GPC6: variants seen among roughly 807,000 people sequenced by gnomAD.
GPC6 encodes the protein glypican 6.
GPC6 carries 14 observed loss-of-function variants against 55.2 expected under a neutral mutation model. The ratio of observed to expected loss-of-function variants is 0.25; its 90% confidence interval spans 0.17 to 0.40. The LOEUF is 0.40. Ranked by LOEUF, GPC6 falls within the 10% of genes least tolerant of loss-of-function variation. The pLI is 1.00. For synonymous variants in GPC6, 278 were observed against 259.6 expected (o/e 1.07, Z -0.68); for missense variants, 641 against 708.5 (o/e 0.90, Z 1.08).
intron 3 of GPC6, among the ~76,000 whole-genome samples, chr13:93,852,393 A>G (rs1888437372): frequency 6.6e-6 from 1 of 151,790 alleles, no homozygotes; most frequent in South Asian, 2.1e-4. Flanking sequence ...TCTCCAAAGT[A>G]TCTTTAAGGC....
Position 93,374,975 on chromosome 13 carries a change from G to A in GPC6, c.160+147359G>A, listed in dbSNP as rs182641222. On this transcript the variant is annotated intron_variant, in intron 1 of 8. Coordinates refer to ENST00000377047, the MANE Select transcript of GPC6 (RefSeq NM_005708.5). ...TATCTCTAATCATCCTGTTTTTGAG[G>A]AGTACCATGGAGTCCAATTAGCAAC... 2.2e-3 allele frequency among the ~76,000 whole-genome samples: 329 copies of A among 152,132 alleles called. 1 individual carries two copies. The highest frequency in any genetic ancestry group is 3.4e-3 in the Non-Finnish European group (231 of 68,006).
chr13:93,538,402 C>T (rs1392959012), intron 1 of GPC6, among the ~76,000 whole-genome samples: 1 of 151,886 alleles, frequency 6.6e-6, no homozygotes, highest in African/African-American at 2.4e-5. Flanking sequence ...ATATGTATTC[C>T]TGGGAGTAAG....
intron 1 of GPC6, among the ~76,000 whole-genome samples, chr13:93,239,529 G>A (rs1038500922): frequency 2.0e-4 from 30 of 151,420 alleles, no homozygotes; most frequent in African/African-American, 7.3e-4. Context: ...CTTCTCTATT[G>A]TTTTCCTGGT....
chr13:93,516,343 C>T (rs751140683), intron 1 of GPC6, among the ~76,000 whole-genome samples: 13 of 152,162 alleles, frequency 8.5e-5, no homozygotes, highest in Non-Finnish European at 1.5e-4. Flanking sequence ...TTAATGAAGT[C>T]GCCAAGCCCA....
chr13:94,123,691 A>G (rs1886713153), intron 4 of GPC6, among the ~76,000 whole-genome samples: 1 of 152,020 alleles, frequency 6.6e-6, no homozygotes, highest in Admixed American at 6.6e-5. Flanking sequence ...GCATGCACGC[A>G]TATGTTTGTA....
At chr13:93,968,849 G>A (rs1415701221) in intron 3 of GPC6, among the ~76,000 whole-genome samples, 3 of 152,072 alleles carry the variant, frequency 2.0e-5, no homozygotes, top group Non-Finnish European at 4.4e-5. Context: ...AATGTATGCT[G>A]TACTGTCAAG....
chr13:94,118,316 G>C (rs919241472), intron 4 of GPC6, among the ~76,000 whole-genome samples: 23 of 151,982 alleles, frequency 1.5e-4, no homozygotes, highest in Non-Finnish European at 1.2e-4. Context: ...TCTCTCTCCT[G>C]CTGCCATATG....
At chr13:94,092,718 A>G (rs1885534832) in intron 4 of GPC6, among the ~76,000 whole-genome samples, 1 of 152,154 alleles carries the variant, frequency 6.6e-6, no homozygotes, top group Non-Finnish European at 1.5e-5. Context: ...TGTTTTCTAC[A>G]GTGGCTATAC....
At chr13:94,185,089 T>C (rs531584910) in intron 4 of GPC6, among the ~76,000 whole-genome samples, 2 of 151,916 alleles carry the variant, frequency 1.3e-5, no homozygotes, top group Non-Finnish European at 2.9e-5. Context: ...GAGGTAAACA[T>C]TGAGCACCCA....
At chr13:93,390,778 T>C (rs1238068646) in intron 1 of GPC6, among the ~76,000 whole-genome samples, 1 of 152,044 alleles carries the variant, frequency 6.6e-6, no homozygotes, top group Admixed American at 6.6e-5. Flanking sequence ...AGTTTTTTTT[T>C]CTTTTTGTTT....
At chr13:93,941,183 T>G (rs1878718786) in intron 3 of GPC6, among the ~76,000 whole-genome samples, 1 of 151,890 alleles carries the variant, frequency 6.6e-6, no homozygotes, top group Admixed American at 6.6e-5. Context: ...TTCTATCCAG[T>G]AATAAAAAAA....
At chr13:93,719,663 G>A (rs574878203) in intron 2 of GPC6, among the ~76,000 whole-genome samples, 1 of 152,178 alleles carries the variant, frequency 6.6e-6, no homozygotes, top group African/African-American at 2.4e-5. Context: ...TCTTGTGCCA[G>A]TTTTCAAAGG....
chr13:93,439,699 T>TAAAATAAAATAAA (rs1877713264), intron 1 of GPC6, among the ~76,000 whole-genome samples: 1 of 136,422 alleles, frequency 7.3e-6, no homozygotes, highest in African/African-American at 3.1e-5. Flanking sequence ...ATAAAAAAAA[T>TAAAATAAAATAAA]AAAATAAAAT....
At chr13:94,001,621 C>T (rs561163029) in intron 3 of GPC6, among the ~76,000 whole-genome samples, 25 of 152,178 alleles carry the variant, frequency 1.6e-4, no homozygotes, top group African/African-American at 4.8e-4. Context: ...AATTGTTGTG[C>T]GTTGGCACAA....
In GPC6 at chr13:93,627,346, T is replaced by C. The variant is rs567276335; in HGVS notation, c.319+81925T>C. ...AAGGACATGAACTCATCCTTTTTTATGGCTGCGTAATATTTCATGGTGTAT... is the reference window on the plus strand; with the variant it reads ...AAGGACATGAACTCATCCTTTTTTACGGCTGCGTAATATTTCATGGTGTAT... On this transcript the variant is annotated intron_variant, in intron 2 of 8. Coordinates refer to ENST00000377047, the MANE Select transcript of GPC6 (RefSeq NM_005708.5). 2.0e-3 allele frequency among the ~76,000 whole-genome samples: 302 copies of C among 152,310 alleles called. 1 individual carries two copies. The highest frequency in any genetic ancestry group is 7.1e-3 in the African/African-American group (295 of 41,566).
intron 3 of GPC6, among the ~76,000 whole-genome samples, chr13:93,875,335 T>C (rs909404025): frequency 6.6e-6 from 1 of 152,072 alleles, no homozygotes; most frequent in Admixed American, 6.6e-5. Flanking sequence ...CGGAAGGATC[T>C]CAACAGTTTT....
At chr13:93,758,860 G>T (rs769473259) in intron 2 of GPC6, among the ~76,000 whole-genome samples, 10 of 151,932 alleles carry the variant, frequency 6.6e-5, no homozygotes, top group Non-Finnish European at 1.3e-4. Context: ...GTTCTTGTTC[G>T]CAGGTTTAAT....
chr13:93,787,951 T>G (rs1043634993), intron 2 of GPC6, among the ~76,000 whole-genome samples: 4 of 152,154 alleles, frequency 2.6e-5, no homozygotes, highest in Non-Finnish European at 4.4e-5. Flanking sequence ...GTGAAATGGA[T>G]ATGTAGAGCT....
At chr13:93,500,008 G>A (rs769821200) in intron 1 of GPC6, among the ~76,000 whole-genome samples, 4 of 152,146 alleles carry the variant, frequency 2.6e-5, no homozygotes, top group Non-Finnish European at 5.9e-5. Flanking sequence ...CACTTGGCCC[G>A]TTTCTGCCGT....
Sources: allele counts gnomAD v4.1 joint callset (sites outside exome capture counted in the v4.1 genomes callset), GRCh38; gene constraint gnomAD v4.1.1; transcripts MANE v1.5; gene names NCBI Gene and HGNC (gene_info 2026-07-23, HGNC 2026-07-21).